SS18: variants seen among roughly 807,000 people sequenced by gnomAD.
The protein encoded by SS18 is SS18 subunit of BAF chromatin remodeling complex, also known as protein SSXT.
In SS18, 28 loss-of-function variants were observed where a neutral mutation model predicts 72.5. The observed-to-expected ratio is 0.39, with a 90% CI of 0.29 to 0.53. The LOEUF is 0.53. Ranked by LOEUF, SS18 falls within the 20% of genes least tolerant of loss-of-function variation. The pLI is 0.76. For synonymous variants in SS18, 172 were observed against 164.2 expected (o/e 1.05, Z -0.37); for missense variants, 518 against 535.3 (o/e 0.97, Z 0.32).
chr18:26,058,456 A>C (rs1226307319), intron 3 of SS18, among the ~76,000 whole-genome samples: 1 of 152,226 alleles, frequency 6.6e-6, no homozygotes, highest in East Asian at 1.9e-4. Context: ...TGGAGAAAGC[A>C]AACGGTTAGT....
At position 26,077,936 on chromosome 18, in the gene SS18, T is replaced by C. The variant is rs2054446576; in HGVS notation, c.231+140A>G. The C allele has an allele frequency of 1.0e-5, 5 of 497,588 alleles. No homozygotes were observed. The East Asian group carries it at 1.3e-4, about 13-fold the overall frequency. 30.8% of individuals were successfully genotyped at this position (497,588 alleles called of 1,614,324 possible). A position where few individuals can be genotyped will look rare whatever the true frequency, so the allele number is the denominator to read the frequency against. On this transcript the variant is annotated intron_variant, in intron 3 of 10. Transcript: ENST00000415083. ...AAATATAAAAGCAAAACAAAGCTTTTAGATAACATAGAATACTTTCATGTT... is the reference window on the plus strand; with the variant it reads ...AAATATAAAAGCAAAACAAAGCTTTCAGATAACATAGAATACTTTCATGTT...
At chr18:26,020,757 A>C (rs79154470) in intron 10 of SS18, among the ~76,000 whole-genome samples, 8,762 of 152,220 alleles carry the variant, frequency 0.058, 747 homozygotes, top group African/African-American at 0.19. Flanking sequence ...AATTAGAAAA[A>C]TATTCCCAAG....
intron 10 of SS18, among the ~76,000 whole-genome samples, chr18:26,029,263 T>C (rs2053503268): frequency 6.6e-6 from 1 of 152,178 alleles, no homozygotes; most frequent in Non-Finnish European, 1.5e-5. Context: ...GCACAAGTCC[T>C]ATATGGCCTT....
At chr18:26,063,202 A>G (rs1022455330) in intron 3 of SS18, among the ~76,000 whole-genome samples, 2 of 143,186 alleles carry the variant, frequency 1.4e-5, no homozygotes, top group African/African-American at 3.0e-5. Flanking sequence ...AGAAATCAGT[A>G]GGCCGGGCAC....
At chr18:26,086,069 G>A (rs1463769795) in intron 2 of SS18, 2 of 151,958 alleles carry the variant, frequency 1.3e-5, no homozygotes, top group African/African-American at 4.8e-5. Context: ...GGTTGTTACT[G>A]AACATGTAGG....
At chr18:26,079,991 A>T (rs2054487331) in intron 2 of SS18, among the ~76,000 whole-genome samples, 1 of 152,112 alleles carries the variant, frequency 6.6e-6, no homozygotes, top group Admixed American at 6.6e-5. Context: ...TGCTGACCTT[A>T]AAATAACGCT....
At chr18:26,056,744 T>C (rs1341564342) in intron 4 of SS18, among the ~76,000 whole-genome samples, 1 of 152,244 alleles carries the variant, frequency 6.6e-6, no homozygotes, top group Non-Finnish European at 1.5e-5. Flanking sequence ...TATAATGTCT[T>C]CTTTATCAAT....
intron 2 of SS18, among the ~76,000 whole-genome samples, chr18:26,081,988 G>T (rs1032546528): frequency 1.3e-5 from 2 of 152,196 alleles, no homozygotes; most frequent in East Asian, 1.9e-4. Context: ...AGAACAGGAG[G>T]TTGAGGCTGC....
At chr18:26,072,012 A>G (rs578073700) in intron 3 of SS18, among the ~76,000 whole-genome samples, 3 of 152,300 alleles carry the variant, frequency 2.0e-5, no homozygotes, top group East Asian at 3.9e-4. Context: ...AAGGAGGAAC[A>G]GAAAGCATCA....
chr18:26,049,182 C>A (rs1409902964), intron 5 of SS18, among the ~76,000 whole-genome samples: 1 of 152,128 alleles, frequency 6.6e-6, no homozygotes, highest in South Asian at 2.1e-4. Flanking sequence ...ATTACTAATG[C>A]CTGATAATGA....
chr18:26,035,259 C>A lies in SS18; in HGVS notation c.974-132G>T. On this transcript the variant is annotated intron_variant, in intron 8 of 10. Coordinates refer to ENST00000415083, the MANE Select transcript of SS18 (RefSeq NM_001007559.3). This position sits in a 1 kb window ranked among gnomAD's most constrained non-coding sequence, Gnocchi z 4.4. ...TATTGATTTTTAGAAGTTAACAAAA[C>A]AAAGAAAAAACTCAAACCAAACAGA... is the stretch of plus-strand genomic sequence containing the variant. 1 of 1,206,142 alleles carries A rather than the reference C, an allele frequency of 8.3e-7. No individual in the cohort carries two copies. Among genetic ancestry groups the A allele is most frequent in the East Asian group, 2.6e-5 (1 of 38,282 alleles). 74.7% of individuals were successfully genotyped at this position (1,206,142 alleles called of 1,614,324 possible).
chr18:26,076,688 G>A lies in SS18; in HGVS notation c.231+1388C>T, dbSNP rs374622215. ...TATGTTTTATATAAAGTAGCATACAGCAAATCACAAAAACAAAGAAGCTAT... is the reference window on the plus strand; with the variant it reads ...TATGTTTTATATAAAGTAGCATACAACAAATCACAAAAACAAAGAAGCTAT... On this transcript the variant is annotated intron_variant, in intron 3 of 10. Transcript: ENST00000415083. Among the ~76,000 whole-genome samples the A allele has an allele frequency of 5.4e-3, 816 of 152,000 alleles. 12 individuals carry two copies. The highest frequency in any genetic ancestry group is 0.019 in the African/African-American group (786 of 41,528).
intron 6 of SS18, among the ~76,000 whole-genome samples, 186 bp from the exon 7 acceptor site, chr18:26,038,845 C>T (rs1423855354): frequency 2.6e-5 from 4 of 152,184 alleles, no homozygotes; most frequent in Non-Finnish European, 5.9e-5. Context: ...CCACATACCA[C>T]ATTTACTAAA....
chr18:26,030,706 C>A (rs1168945614), intron 10 of SS18, among the ~76,000 whole-genome samples: 1 of 151,666 alleles, frequency 6.6e-6, no homozygotes, highest in Non-Finnish European at 1.5e-5. Flanking sequence ...ATGTTCTGTA[C>A]ATTTGGATAA....
At chr18:26,087,410 T>G in intron 2 of SS18, 91 bp downstream of exon 2, 1 of 730,280 alleles carries the variant, frequency 1.4e-6, no homozygotes, top group Non-Finnish European at 2.4e-6. Flanking sequence ...GTATGGTATG[T>G]GAATTATATC....
chr18:26,035,735 C>T lies in SS18; in HGVS notation c.973+96G>A. On this transcript the variant is annotated intron_variant, in intron 8 of 10. Transcript: ENST00000415083. This position sits in a 1 kb window ranked among gnomAD's most constrained non-coding sequence, Gnocchi z 4.4. ...AAGAAAGCCAGCAACTAGTATTCTA[C>T]AAGAGCTTTGCATGGGTAGAAGTTG... The T allele has an allele frequency of 1.3e-6, 1 of 740,858 alleles. No individual in the cohort carries two copies. The highest frequency in any genetic ancestry group is 3.1e-5 in the East Asian group (1 of 32,696). 45.9% of individuals were successfully genotyped at this position (740,858 alleles called of 1,614,324 possible). A position where few individuals can be genotyped will look rare whatever the true frequency, so the allele number is the denominator to read the frequency against.
Position 26,061,929 on chromosome 18 carries a change from CA to C in SS18, c.232-4188del, listed in dbSNP as rs528808010. 4.0e-3 allele frequency among the ~76,000 whole-genome samples: 611 copies of C among 152,134 alleles called. 1 individual carries two copies. The highest frequency in any genetic ancestry group is 0.011 in the African/African-American group (453 of 41,498). On this transcript the variant is annotated intron_variant, in intron 3 of 10. Coordinates refer to ENST00000415083, the MANE Select transcript of SS18 (RefSeq NM_001007559.3). ...GTAATAATGACTCTACTGGTTTAAA[CA>C]AATGTAGAAAAAGAAAGTATAGGAC...
chr18:26,090,113 G>A, intron 1 of SS18: 1 of 203,464 alleles, frequency 4.9e-6, no homozygotes, highest in South Asian at 1.2e-4. Context: ...GCCGCGGCAC[G>A]CGGGGCGGGG....
intron 5 of SS18, among the ~76,000 whole-genome samples, chr18:26,041,514 T>C (rs1227295858): frequency 6.6e-6 from 1 of 152,224 alleles, no homozygotes; most frequent in Non-Finnish European, 1.5e-5. Context: ...ACTAGTTTAA[T>C]AGCAGTTATA....
Sources: gnomAD v4.1 joint callset for allele counts (sites outside exome capture counted in the v4.1 genomes callset) on GRCh38, gnomAD v4.1.1 for gene constraint, Gnocchi (gnomAD v3.1) non-coding constraint, MANE v1.5 for transcripts, NCBI Gene and HGNC (gene_info 2026-07-23, HGNC 2026-07-21) for gene names.